The following RPS6KC1 variants were observed in gnomAD, a reference collection of about 807,000 sequenced individuals.
RPS6KC1 encodes the protein ribosomal protein S6 kinase C1, also known as inactive ribosomal protein S6 kinase delta-1.
Under a neutral mutation model 103.8 loss-of-function variants are expected in RPS6KC1, and 54 were observed. The observed-to-expected ratio is 0.52, with a 90% CI of 0.42 to 0.65. RPS6KC1 has a LOEUF of 0.65. Ranked by LOEUF, RPS6KC1 falls within the 30% of genes least tolerant of loss-of-function variation. The pLI is 0.00. For missense variants in RPS6KC1, 1,151 were observed against 1,253.8 expected (o/e 0.92, Z 1.24); for synonymous variants, 439 against 438.7 (o/e 1.00, Z -0.01).
chr1:213,480,984 A>G, the RPS6KC1 span, among the ~76,000 whole-genome samples: 1 of 152,180 alleles, frequency 6.6e-6, no homozygotes, highest in Admixed American at 6.5e-5. Flanking sequence ...TCCTTCTTTG[A>G]CAGTGACAAA....
the RPS6KC1 span, among the ~76,000 whole-genome samples, chr1:213,349,376 T>C: frequency 1.3e-5 from 2 of 152,320 alleles, no homozygotes; most frequent in South Asian, 4.1e-4. Context: ...GCATGACCAC[T>C]TGGGCAATTC....
chr1:213,770,589 C>T, the RPS6KC1 span, among the ~76,000 whole-genome samples: 1 of 152,136 alleles, frequency 6.6e-6, no homozygotes, highest in Admixed American at 6.6e-5. Context: ...CTCGTAACAA[C>T]CCAACAAGGC....
At chr1:213,728,950 T>TTG in the RPS6KC1 span, among the ~76,000 whole-genome samples, 2 of 132,138 alleles carry the variant, frequency 1.5e-5, no homozygotes, top group Non-Finnish European at 3.1e-5. Context: ...TTTTTTTTGT[T>TTG]TTTTTTTTTT....
rs141637651 is a variant in RPS6KC1, at chr1:213,241,834, A to C, written c.2358A>C (p.Ser786=). 632 of 1,614,042 alleles carry C rather than the reference A, an allele frequency of 3.9e-4. 3 individuals are homozygous for C. In the Middle Eastern group the frequency reaches 8.1e-3, roughly 21 times the overall value. The part of the protein sequence containing the change: ...LFVAAVDHSS[S]GDMSLLPSSD... Reference sequence around the variant, plus strand: ...TAGCAGCTGTTGATCATAGTAGTTCAGGAGATATGTCTTTGTTACCCAGCT... The same window carrying C: ...TAGCAGCTGTTGATCATAGTAGTTCCGGAGATATGTCTTTGTTACCCAGCT... The change falls in exon 11 of 15, where the codon TCA becomes TCC. Residue 786 remains serine, a synonymous_variant. Coordinates refer to ENST00000366960, the MANE Select transcript of RPS6KC1 (RefSeq NM_012424.6).
the RPS6KC1 span, among the ~76,000 whole-genome samples, chr1:213,339,901 T>G: frequency 6.6e-6 from 1 of 151,946 alleles, no homozygotes; most frequent in Non-Finnish European, 1.5e-5. Flanking sequence ...TGCCTTTTTT[T>G]TTTCTCTCAA....
At chr1:213,570,157 C>T in the RPS6KC1 span, among the ~76,000 whole-genome samples, 1 of 152,204 alleles carries the variant, frequency 6.6e-6, no homozygotes, top group Admixed American at 6.5e-5. Flanking sequence ...GTGTAGGAAA[C>T]TCAGCTCTGT....
chr1:213,132,696 G>A lies in RPS6KC1; in HGVS notation c.835+2807G>A, dbSNP rs192067096. On this transcript the variant is annotated intron_variant, in intron 6 of 14. Coordinates refer to ENST00000366960, the MANE Select transcript of RPS6KC1 (RefSeq NM_012424.6). ...TATCTCTATAGCCAGTAAAACGTAT[G>A]AATCATTTAAATTGAACTCTTCATA... Among the ~76,000 whole-genome samples, 527 of 152,244 alleles carry A rather than the reference G, an allele frequency of 3.5e-3. 1 individual carries two copies. Among genetic ancestry groups the A allele is most frequent in the Non-Finnish European group, 6.0e-3 (410 of 68,018 alleles).
chr1:213,539,881 G>A, the RPS6KC1 span, among the ~76,000 whole-genome samples: 3 of 152,188 alleles, frequency 2.0e-5, no homozygotes, highest in South Asian at 2.1e-4. Context: ...TCCCTAGTAC[G>A]TATAAAAGTT....
chr1:213,429,738 C>G, the RPS6KC1 span, among the ~76,000 whole-genome samples: 1 of 152,192 alleles, frequency 6.6e-6, no homozygotes, highest in Non-Finnish European at 1.5e-5. Flanking sequence ...CATTTTATCT[C>G]TGTTTCCTCT....
chr1:213,727,450 G>A, the RPS6KC1 span, among the ~76,000 whole-genome samples: 1 of 152,084 alleles, frequency 6.6e-6, no homozygotes, highest in Non-Finnish European at 1.5e-5. Flanking sequence ...AGGTAGGAGG[G>A]GAAACATTGA....
the RPS6KC1 span, among the ~76,000 whole-genome samples, chr1:213,327,167 C>T: frequency 1.2e-4 from 18 of 150,066 alleles, no homozygotes; most frequent in South Asian, 4.2e-4. Context: ...GCCTGCAGTG[C>T]GGGGGTGTGA....
At chr1:213,113,072 A>G (rs537511087) in intron 4 of RPS6KC1, among the ~76,000 whole-genome samples, 1 of 152,342 alleles carries the variant, frequency 6.6e-6, no homozygotes, top group South Asian at 2.1e-4. Flanking sequence ...CTTTGGGTAT[A>G]TACCCAGTAA....
the RPS6KC1 span, among the ~76,000 whole-genome samples, chr1:213,472,336 C>T: frequency 1.3e-5 from 2 of 152,096 alleles, no homozygotes; most frequent in African/African-American, 4.8e-5. Context: ...ATTTAATGAA[C>T]CATATTGTTA....
the RPS6KC1 span, among the ~76,000 whole-genome samples, chr1:213,561,766 A>C: frequency 6.6e-6 from 1 of 152,206 alleles, no homozygotes; most frequent in South Asian, 2.1e-4. Context: ...CCTTTTCTCT[A>C]AAATATTTTT....
chr1:213,200,494 T>G (rs1486492228), intron 8 of RPS6KC1, among the ~76,000 whole-genome samples: 2 of 152,068 alleles, frequency 1.3e-5, no homozygotes, highest in Non-Finnish European at 2.9e-5. Context: ...TCAAGATGAA[T>G]TAAAGACTAA....
At chr1:213,313,677 A>C in the RPS6KC1 span, among the ~76,000 whole-genome samples, 1 of 151,708 alleles carries the variant, frequency 6.6e-6, no homozygotes, top group Non-Finnish European at 1.5e-5. Context: ...AGAATAACAG[A>C]AACTTGGCCA....
At position 213,210,132 on chromosome 1, in the gene RPS6KC1, A is replaced by G. The variant is rs941551264; in HGVS notation, c.1045-20365A>G. ...CCAACCTCCTATCTCATCTGTGACT[A>G]AGAATGCCTGACCTCCTGAGAATGC... On this transcript the variant is annotated intron_variant, in intron 8 of 14. Coordinates refer to ENST00000366960, the MANE Select transcript of RPS6KC1 (RefSeq NM_012424.6). 2.0e-5 allele frequency among the ~76,000 whole-genome samples: 3 copies of G among 152,248 alleles called. No individual in the cohort carries two copies. The South Asian group carries it at 6.2e-4, about 32-fold the overall frequency.
chr1:213,668,565 G>A, the RPS6KC1 span, among the ~76,000 whole-genome samples: 2 of 152,020 alleles, frequency 1.3e-5, no homozygotes, highest in African/African-American at 4.8e-5. Flanking sequence ...AGGATTTTCA[G>A]AACGATCAGT....
At chr1:213,828,191 A>C in the RPS6KC1 span, among the ~76,000 whole-genome samples, 1 of 152,158 alleles carries the variant, frequency 6.6e-6, no homozygotes, top group Non-Finnish European at 1.5e-5. Context: ...AGAGCTGACT[A>C]GAGTGACATA....
Sources: allele counts gnomAD v4.1 joint callset (sites outside exome capture counted in the v4.1 genomes callset), GRCh38; gene constraint gnomAD v4.1.1; transcripts MANE v1.5; gene names NCBI Gene and HGNC (gene_info 2026-07-23, HGNC 2026-07-21).